The following ERC2 variants were observed in gnomAD, a reference collection of about 807,000 sequenced individuals.
The protein encoded by ERC2 is ELKS/RAB6-interacting/CAST family member 2, also known as ERC protein 2.
Under a neutral mutation model 114.8 loss-of-function variants are expected in ERC2, and 42 were observed. The ratio of observed to expected loss-of-function variants is 0.37; its 90% confidence interval spans 0.29 to 0.47. ERC2 has a LOEUF of 0.47. ERC2 is among the 20% of genes least tolerant of loss of function. ERC2 has a pLI of 0.99. For missense variants in ERC2, 939 were observed against 1,150.7 expected (o/e 0.82, Z 2.66); for synonymous variants, 454 against 425.5 (o/e 1.07, Z -0.82).
intron 8 of ERC2, among the ~76,000 whole-genome samples, chr3:56,010,968 T>C (rs1052432271): frequency 3.3e-5 from 5 of 152,186 alleles, no homozygotes; most frequent in Admixed American, 3.3e-4. Flanking sequence ...AAGTAGAACA[T>C]GCCTCTTGGC....
intron 14 of ERC2, among the ~76,000 whole-genome samples, chr3:55,771,957 TATC>T (rs2068237528): frequency 6.6e-6 from 1 of 152,082 alleles, no homozygotes; most frequent in African/African-American, 2.4e-5. Flanking sequence ...AGGGGTGAAA[TATC>T]CATCAGCGAC....
rs145479478 is a variant in ERC2 at position 55,884,546 on chromosome 3, C to T, written c.2564+3843G>A. Among the ~76,000 whole-genome samples the T allele has an allele frequency of 2.1e-3, 327 of 152,096 alleles. 2 individuals are homozygous for T. The highest frequency in any genetic ancestry group is 7.5e-3 in the African/African-American group (309 of 41,474). The stretch of plus-strand genomic sequence containing the variant: ...TGGGGTTCAGGTAAATTCTGTATAG[C>T]TCTGGAACAAAAACCAAGACAAATG... On this transcript the variant is annotated intron_variant, in intron 14 of 17. Coordinates refer to ENST00000288221, the MANE Select transcript of ERC2 (RefSeq NM_015576.3).
intron 3 of ERC2, among the ~76,000 whole-genome samples, chr3:56,228,594 A>G (rs144768742): frequency 0.027 from 4,140 of 152,260 alleles, 64 homozygotes; most frequent in Middle Eastern, 0.054. Context: ...TTGTTTTGCC[A>G]TTCAATTGCT....
chr3:55,610,090 ATTCCTCT>A (rs1166405228), intron 17 of ERC2, among the ~76,000 whole-genome samples: 1 of 151,056 alleles, frequency 6.6e-6, no homozygotes, highest in Non-Finnish European at 1.5e-5. Context: ...AAAAACAAGA[ATTCCTCT>A]AATTTAAGGT....
At chr3:56,069,928 A>G (rs2076650859) in intron 7 of ERC2, among the ~76,000 whole-genome samples, 1 of 152,210 alleles carries the variant, frequency 6.6e-6, no homozygotes, top group African/African-American at 2.4e-5. Flanking sequence ...AGTACAAAGG[A>G]AAGTACAAAG....
intron 17 of ERC2, among the ~76,000 whole-genome samples, chr3:55,605,601 C>T (rs541105362): frequency 9.9e-5 from 15 of 152,166 alleles, no homozygotes; most frequent in Non-Finnish European, 2.1e-4. Flanking sequence ...AGAGGCTGTA[C>T]TGCCAAGTTT....
At chr3:55,909,133 C>A (rs967091413) in intron 13 of ERC2, among the ~76,000 whole-genome samples, 3 of 152,192 alleles carry the variant, frequency 2.0e-5, no homozygotes, top group Non-Finnish European at 4.4e-5. Context: ...AACAGGAAGT[C>A]AGTCTAATGC....
chr3:55,711,796 G>A (rs1004897993), intron 15 of ERC2, among the ~76,000 whole-genome samples: 1 of 152,186 alleles, frequency 6.6e-6, no homozygotes, highest in Admixed American at 6.5e-5. Context: ...TAATGTGTTT[G>A]TTTCCAACAA....
intron 12 of ERC2, among the ~76,000 whole-genome samples, chr3:55,965,911 G>T (rs918729258): frequency 2.6e-5 from 4 of 152,032 alleles, no homozygotes; most frequent in Non-Finnish European, 5.9e-5. Flanking sequence ...CGGCAAAGAG[G>T]GCATAAACCA....
chr3:55,693,316 A>G (rs942577792), intron 16 of ERC2, among the ~76,000 whole-genome samples: 1 of 152,204 alleles, frequency 6.6e-6, no homozygotes, highest in Non-Finnish European at 1.5e-5. Context: ...ACCCTGGCTG[A>G]TCTGACAGCA....
chr3:56,087,454 G>C (rs72867670), intron 6 of ERC2, among the ~76,000 whole-genome samples: 3,353 of 152,028 alleles, frequency 0.022, 114 homozygotes, highest in African/African-American at 0.077. Flanking sequence ...TAAGACACTC[G>C]ACCTTTCTGC....
At chr3:56,311,247 C>A (rs371199893) in intron 2 of ERC2, among the ~76,000 whole-genome samples, 5,956 of 29,710 alleles carry the variant, frequency 0.2, 216 homozygotes, top group Admixed American at 0.28. Context: ...CTCTCTCTCT[C>A]TCTCTCTCTA....
intron 6 of ERC2, among the ~76,000 whole-genome samples, chr3:56,088,582 G>A (rs1047053847): frequency 4.6e-5 from 7 of 152,200 alleles, no homozygotes; most frequent in African/African-American, 1.4e-4. Context: ...GAGAAAGACA[G>A]ACTGAAGAGG....
intron 15 of ERC2, among the ~76,000 whole-genome samples, chr3:55,733,915 A>G (rs2065461120): frequency 6.6e-6 from 1 of 152,244 alleles, no homozygotes; most frequent in African/African-American, 2.4e-5. Context: ...TAAACCATTG[A>G]GCTGACTGAG....
At chr3:55,572,664 A>T (rs1276585335) in intron 17 of ERC2, among the ~76,000 whole-genome samples, 1 of 152,082 alleles carries the variant, frequency 6.6e-6, no homozygotes, top group East Asian at 1.9e-4. Flanking sequence ...GGGCTGGGGG[A>T]CTTGCCTAAG....
At chr3:56,133,386 G>C (rs572961437) in intron 6 of ERC2, among the ~76,000 whole-genome samples, 1 of 152,076 alleles carries the variant, frequency 6.6e-6, no homozygotes, top group African/African-American at 2.4e-5. Context: ...GCAGTGAGCC[G>C]AGATCATGCC....
At chr3:55,766,077 T>C (rs2067764108) in intron 14 of ERC2, among the ~76,000 whole-genome samples, 1 of 152,230 alleles carries the variant, frequency 6.6e-6, no homozygotes, top group East Asian at 1.9e-4. Flanking sequence ...CTAAGAGAAC[T>C]GTGTGAAGCT....
chr3:56,171,049 C>T (rs1483311701), intron 4 of ERC2, among the ~76,000 whole-genome samples: 3 of 152,082 alleles, frequency 2.0e-5, no homozygotes, highest in Admixed American at 2.0e-4. Flanking sequence ...CAGGCTTGAG[C>T]CAATGCACCT....
At position 55,776,663 on chromosome 3, in the gene ERC2, TC is replaced by T. The variant is rs777043174; in HGVS notation, c.2565-41746del. Reference sequence around the variant, plus strand: ...GCTAGACCTGGGTTGAAATATTAACTCCAGAACATCCTGGAGATTGGGAGCT... The same window carrying T: ...GCTAGACCTGGGTTGAAATATTAACTCAGAACATCCTGGAGATTGGGAGCT... On this transcript the variant is annotated intron_variant, in intron 14 of 17. Transcript: ENST00000288221. 6.6e-4 allele frequency among the ~76,000 whole-genome samples: 101 copies of T among 152,248 alleles called. 1 individual carries two copies. The Middle Eastern group carries it at 0.031, about 46-fold the overall frequency.
Sources: allele counts gnomAD v4.1 joint callset (sites outside exome capture counted in the v4.1 genomes callset), GRCh38; gene constraint gnomAD v4.1.1; transcripts MANE v1.5; gene names NCBI Gene and HGNC (gene_info 2026-07-23, HGNC 2026-07-21).